ANO2: variants seen among roughly 807,000 people sequenced by gnomAD.
ANO2 encodes the protein anoctamin 2, also known as anoctamin-2.
ANO2 carries 101 observed loss-of-function variants against 124.2 expected under a neutral mutation model. The ratio of observed to expected loss-of-function variants is 0.81; its 90% CI spans 0.69 to 0.96. ANO2 has a LOEUF of 0.96. Among genes scored for constraint, ANO2 ranks in the 40% least tolerant of loss-of-function variants. The pLI is 0.00. For missense variants in ANO2, 1,293 were observed against 1,274.5 expected (o/e 1.01, Z -0.22); for synonymous variants, 486 against 482.5 (o/e 1.01, Z -0.09).
At chr12:5,858,725 T>A (rs1446634191) in intron 3 of ANO2, 3 of 152,220 alleles carry the variant, frequency 2.0e-5, no homozygotes, top group African/African-American at 7.2e-5. Flanking sequence ...TCAATAAACA[T>A]CAGGCATTAC....
At chr12:5,604,398 G>A (rs1558776) in intron 19 of ANO2, among the ~76,000 whole-genome samples, 70,409 of 152,068 alleles carry the variant, frequency 0.46, 16,393 homozygotes, top group East Asian at 0.59. Flanking sequence ...GCCCTGGAAC[G>A]ATCTGGGACT....
chr12:5,805,698 A>G (rs575668267), intron 9 of ANO2, among the ~76,000 whole-genome samples: 1 of 152,282 alleles, frequency 6.6e-6, no homozygotes, highest in South Asian at 2.1e-4. Flanking sequence ...GATCTAGGCC[A>G]AGGTGCTCAA....
chr12:5,702,448 T>C (rs889585806), intron 14 of ANO2, among the ~76,000 whole-genome samples: 2 of 151,862 alleles, frequency 1.3e-5, no homozygotes, highest in Non-Finnish European at 2.9e-5. Flanking sequence ...ATCCATAATA[T>C]ATAAAGAGCT....
chr12:5,803,676 C>T (rs1049525567), intron 9 of ANO2, among the ~76,000 whole-genome samples: 1 of 152,180 alleles, frequency 6.6e-6, no homozygotes, highest in Non-Finnish European at 1.5e-5. Context: ...CATCTACCCC[C>T]ACGCTGCTCC....
intron 16 of ANO2, among the ~76,000 whole-genome samples, chr12:5,620,635 G>GGAATTCTATAGGAGTTGAACTA (rs1279584484): frequency 1.3e-5 from 2 of 151,984 alleles, no homozygotes; most frequent in African/African-American, 4.8e-5. Context: ...GCGTTGAATT[G>GGAATTCTATAGGAGTTGAACTA]GAATTCTATA....
chr12:5,818,481 A>G (rs866122387), intron 7 of ANO2, among the ~76,000 whole-genome samples: 4 of 74,146 alleles, frequency 5.4e-5, no homozygotes, highest in Non-Finnish European at 8.0e-5. Flanking sequence ...ATATATATAT[A>G]TATATATATA....
rs370297772 is a variant in ANO2, at chr12:5,599,524, C to T, written c.2193G>A (p.Leu731=). The stretch of plus-strand genomic sequence containing the variant: ...CCGGAGTCAGTCCTGTGTATGGTTC[C>T]AAGCTGTAGTCTAGGTCCCACTGCT... ...HPEQWDLDYS[L]EPYTGLTPEY... Residue 731 remains leucine, a synonymous_variant, in exon 20 of 25, where the codon TTG becomes TTA. Transcript: ENST00000682330. 6.8e-6 allele frequency: 11 copies of T among 1,613,568 alleles called. No homozygotes were observed. The African/African-American group carries it at 1.5e-4, about 22-fold the overall frequency.
In ANO2 at chr12:5,900,650, C is replaced by T. The variant is rs1021549493; in HGVS notation, c.534+20390G>A. Among the ~76,000 whole-genome samples, 1 of 151,798 alleles carries T rather than the reference C, an allele frequency of 6.6e-6. No individual in the cohort carries two copies. The highest frequency in any genetic ancestry group is 2.4e-5 in the African/African-American group (1 of 41,308). ...GCATTTGCTCTACCTCCGCATTTAA[C>T]GTGTGGTCCCTGCCATCCTGGCACA... On this transcript the variant is annotated intron_variant, in intron 3 of 24. Transcript: ENST00000682330. This position sits in a 1 kb window ranked among gnomAD's most constrained non-coding sequence, Gnocchi z 4.2.
At chr12:5,744,043 T>C in intron 12 of ANO2, 114 bp downstream of exon 12, 1 of 1,272,718 alleles carries the variant, frequency 7.9e-7, no homozygotes, top group Non-Finnish European at 1.1e-6. Context: ...CTTCTTGTGA[T>C]GGGAAGAAAA....
intron 14 of ANO2, among the ~76,000 whole-genome samples, chr12:5,692,968 A>G (rs1949008159): frequency 6.6e-6 from 1 of 152,168 alleles, no homozygotes; most frequent in African/African-American, 2.4e-5. Flanking sequence ...TGTTCCTCGC[A>G]TGACCCCCTG....
chr12:5,600,789 G>A (rs567940043), intron 19 of ANO2, among the ~76,000 whole-genome samples: 7 of 152,140 alleles, frequency 4.6e-5, no homozygotes, highest in Admixed American at 3.3e-4. Flanking sequence ...GTGTTTAAAC[G>A]GGATTTTGAA....
chr12:5,929,500 A>G (rs201635678), intron 1 of ANO2, among the ~76,000 whole-genome samples: 1,887 of 45,230 alleles, frequency 0.042, 34 homozygotes, highest in African/African-American at 0.066. Flanking sequence ...TTACTCGTCT[A>G]CCTTCTTTCC....
At chr12:5,835,058 CATTTTATATATAA>C (rs774361291) in intron 4 of ANO2, among the ~76,000 whole-genome samples, 1 of 152,292 alleles carries the variant, frequency 6.6e-6, no homozygotes, top group Non-Finnish European at 1.5e-5. Context: ...GCATTTATCT[CATTTTATATATAA>C]GTTTTATATC....
At chr12:5,628,713 T>TGTGC (rs1945543352) in intron 16 of ANO2, among the ~76,000 whole-genome samples, 1 of 152,132 alleles carries the variant, frequency 6.6e-6, no homozygotes, top group Non-Finnish European at 1.5e-5. Context: ...TGCGTGCACA[T>TGTGC]GTGCATGCAT....
chr12:5,628,458 G>A (rs563749018), intron 16 of ANO2, among the ~76,000 whole-genome samples: 5 of 152,328 alleles, frequency 3.3e-5, no homozygotes, highest in East Asian at 1.9e-4. Flanking sequence ...GCACTAGAGT[G>A]TCATGGTTTT....
intron 23 of ANO2, among the ~76,000 whole-genome samples, chr12:5,570,071 A>C (rs957231697): frequency 2.6e-5 from 4 of 152,252 alleles, no homozygotes; most frequent in Non-Finnish European, 4.4e-5. Context: ...TAATAAATGA[A>C]AGTGATACAG....
At chr12:5,687,142 G>A (rs528082087) in intron 14 of ANO2, among the ~76,000 whole-genome samples, 10 of 152,320 alleles carry the variant, frequency 6.6e-5, no homozygotes, top group African/African-American at 2.4e-4. Flanking sequence ...GAGGAACAGT[G>A]TTTTAACCAA....
intron 14 of ANO2, among the ~76,000 whole-genome samples, chr12:5,667,541 A>G (rs1380328252): frequency 2.6e-5 from 4 of 151,902 alleles, no homozygotes; most frequent in African/African-American, 9.7e-5. Flanking sequence ...TCTTTTTAAA[A>G]AATGTTTATT....
chr12:5,853,925 G>T, intron 4 of ANO2, 118 bp downstream of exon 4: 1 of 234,872 alleles, frequency 4.3e-6, no homozygotes, highest in East Asian at 9.9e-5. Context: ...TGGGTCCCTG[G>T]GGAAGCAAGT....
Sources: allele counts gnomAD v4.1 joint callset (sites outside exome capture counted in the v4.1 genomes callset), GRCh38; gene constraint gnomAD v4.1.1; non-coding constraint Gnocchi (gnomAD v3.1); transcripts MANE v1.5; gene names NCBI Gene and HGNC (gene_info 2026-07-23, HGNC 2026-07-21).